CELF2: variants seen among roughly 807,000 people sequenced by gnomAD.
CELF2 encodes the protein CUGBP Elav-like family member 2.
CELF2 carries 8 observed loss-of-function variants against 62.6 expected under a neutral mutation model. The observed-to-expected ratio is 0.13, with a 90% CI of 0.07 to 0.23. The LOEUF (loss-of-function observed/expected upper bound fraction) is 0.23. Among genes scored for constraint, CELF2 ranks in the 10% least tolerant of loss-of-function variants. CELF2 has a pLI of 1.00. For synonymous variants in CELF2, 258 were observed against 250.0 expected, an observed-to-expected ratio of 1.03 and a Z score of -0.30; for missense variants, 333 against 671.0, an observed-to-expected ratio of 0.50 and a Z score of 5.56.
intron 2 of CELF2, among the ~76,000 whole-genome samples, chr10:10,980,546 T>C (rs1458143579): frequency 3.9e-5 from 6 of 152,212 alleles, no homozygotes; most frequent in African/African-American, 1.4e-4. Context: ...AAACCTCCTG[T>C]TTCTTACATT....
the CELF2 span, among the ~76,000 whole-genome samples, chr10:10,724,928 G>A: frequency 6.7e-6 from 1 of 148,642 alleles, no homozygotes; most frequent in Non-Finnish European, 1.5e-5. Flanking sequence ...AAGCTCTGAA[G>A]GGGGCATGAT....
the CELF2 span, among the ~76,000 whole-genome samples, chr10:10,499,416 A>G: frequency 6.6e-6 from 1 of 152,146 alleles, no homozygotes; most frequent in Non-Finnish European, 1.5e-5. Context: ...AATACAAGAC[A>G]TTCAAAAGGA....
intron 2 of CELF2, among the ~76,000 whole-genome samples, chr10:10,968,515 A>G (rs2050396617): frequency 6.6e-6 from 1 of 152,162 alleles, no homozygotes; most frequent in Admixed American, 6.5e-5. Context: ...TGAGTATTGT[A>G]TATTTTATTG....
At chr10:11,029,625 G>A (rs1049458920) in intron 1 of CELF2, among the ~76,000 whole-genome samples, 17 of 152,224 alleles carry the variant, frequency 1.1e-4, no homozygotes, top group African/African-American at 4.1e-4. Flanking sequence ...AGGGAACTTT[G>A]CTGGAGGCAG....
the CELF2 span, among the ~76,000 whole-genome samples, chr10:10,505,070 T>G: frequency 6.6e-6 from 1 of 152,192 alleles, no homozygotes; most frequent in African/African-American, 2.4e-5. Flanking sequence ...TTGAGATCTA[T>G]CTTCCTGGTT....
chr10:11,175,378 T>A (rs2070692520), intron 2 of CELF2, among the ~76,000 whole-genome samples: 1 of 152,026 alleles, frequency 6.6e-6, no homozygotes, highest in Non-Finnish European at 1.5e-5. Flanking sequence ...AGGGATTGTG[T>A]TCTCAAAAAA....
chr10:11,228,946 A>G (rs923689095), intron 3 of CELF2, among the ~76,000 whole-genome samples: 5 of 152,202 alleles, frequency 3.3e-5, no homozygotes. Flanking sequence ...GTTTCTTTGA[A>G]TGTTATGTGG....
chr10:11,010,637 G>A lies in CELF2; in HGVS notation c.53+5197G>A, dbSNP rs1564365991. Among the ~76,000 whole-genome samples the A allele has an allele frequency of 6.6e-6, 1 of 152,142 alleles. No homozygotes were observed. Among genetic ancestry groups the A allele is most frequent in the Non-Finnish European group, 1.5e-5 (1 of 68,022 alleles). Reference sequence around the variant, plus strand: ...AAGTCACAGGCCCATAGACACAGTGGGAGGAACTATGACCCTGTATTCAGC... The same window carrying A: ...AAGTCACAGGCCCATAGACACAGTGAGAGGAACTATGACCCTGTATTCAGC... On this transcript the variant is annotated intron_variant, in intron 1 of 12. Transcript: ENST00000416382. This position sits in a 1 kb window ranked among gnomAD's most constrained non-coding sequence, Gnocchi z 4.1.
chr10:11,231,554 G>A (rs1373081371), intron 3 of CELF2, among the ~76,000 whole-genome samples: 1 of 151,756 alleles, frequency 6.6e-6, no homozygotes, highest in African/African-American at 2.4e-5. Flanking sequence ...ATGTGGGCTG[G>A]AAGATAAAAA....
chr10:11,094,033 G>C (rs1319847234), intron 1 of CELF2, among the ~76,000 whole-genome samples: 2 of 152,126 alleles, frequency 1.3e-5, no homozygotes, highest in Non-Finnish European at 2.9e-5. Flanking sequence ...GTCGATATGA[G>C]TTCTCGGAGA....
intron 9 of CELF2, among the ~76,000 whole-genome samples, chr10:11,310,984 C>A (rs1174365330): frequency 5.9e-5 from 9 of 152,126 alleles, no homozygotes; most frequent in African/African-American, 2.2e-4. Context: ...ATTTGGTGAA[C>A]CGAATAAATT....
chr10:10,818,362 T>G (rs906963414), intron 1 of CELF2, among the ~76,000 whole-genome samples: 45 of 152,064 alleles, frequency 3.0e-4, no homozygotes, highest in Non-Finnish European at 4.4e-4. Context: ...ACTGAAGTAG[T>G]AAATCCAAAA....
At chr10:10,873,271 G>C (rs536955292) in intron 1 of CELF2, among the ~76,000 whole-genome samples, 11 of 151,948 alleles carry the variant, frequency 7.2e-5, no homozygotes, top group Non-Finnish European at 1.0e-4. Flanking sequence ...CAAAATCAAT[G>C]TTTTTTAATT....
At chr10:10,671,937 C>A in the CELF2 span, among the ~76,000 whole-genome samples, 3 of 152,094 alleles carry the variant, frequency 2.0e-5, no homozygotes, top group African/African-American at 7.2e-5. Flanking sequence ...CCCATGTTGG[C>A]CAGGCTGGTC....
chr10:11,058,706 G>T (rs557336667), intron 1 of CELF2, among the ~76,000 whole-genome samples: 1 of 152,038 alleles, frequency 6.6e-6, no homozygotes, highest in Admixed American at 6.5e-5. Context: ...GACCTCAGGC[G>T]ATCCACCCCC....
chr10:10,806,063 G>C (rs915757850), intron 1 of CELF2, among the ~76,000 whole-genome samples: 2 of 152,210 alleles, frequency 1.3e-5, no homozygotes, highest in Non-Finnish European at 2.9e-5. Context: ...TCTTTAGATG[G>C]TGAAGTGAGA....
intron 5 of CELF2, among the ~76,000 whole-genome samples, chr10:11,266,152 A>T (rs1175279870): frequency 6.6e-6 from 1 of 152,184 alleles, no homozygotes; most frequent in Admixed American, 6.5e-5. Flanking sequence ...CCTTGGTGTG[A>T]GGATTTTCTT....
intron 3 of CELF2, among the ~76,000 whole-genome samples, chr10:11,232,812 T>C (rs539180509): frequency 6.6e-6 from 1 of 152,276 alleles, no homozygotes; most frequent in Admixed American, 6.5e-5. Context: ...TGGCAGAGCA[T>C]GCTGCATATG....
chr10:11,231,501 A>G (rs1192324724), intron 3 of CELF2, among the ~76,000 whole-genome samples: 1 of 152,104 alleles, frequency 6.6e-6, no homozygotes, highest in African/African-American at 2.4e-5. Context: ...TATCTGCTTG[A>G]TGGGGTGTCA....
Sources: allele counts gnomAD v4.1 joint callset (sites outside exome capture counted in the v4.1 genomes callset), GRCh38; gene constraint gnomAD v4.1.1; non-coding constraint Gnocchi (gnomAD v3.1); transcripts MANE v1.5; gene names NCBI Gene and HGNC (gene_info 2026-07-23, HGNC 2026-07-21).